Variants in PLXDC2 observed in about 807,000 individuals in gnomAD.
The protein encoded by PLXDC2 is plexin domain-containing protein 2.
In PLXDC2, 40 loss-of-function variants were observed where a neutral mutation model predicts 68.9. The observed-to-expected ratio is 0.58, with a 90% confidence interval of 0.45 to 0.76. PLXDC2 has a LOEUF of 0.76. Ranked by LOEUF, PLXDC2 falls within the 30% of genes least tolerant of loss-of-function variation. The probability of loss-of-function intolerance (pLI) is 0.00; values close to 1 mark genes in which losing one functional copy is unlikely to be tolerated. For synonymous variants in PLXDC2, 243 were observed against 234.2 expected (o/e 1.04, Z -0.34); for missense variants, 644 against 661.9 (o/e 0.97, Z 0.30).
intron 12 of PLXDC2, among the ~76,000 whole-genome samples, chr10:20,220,897 T>C (rs889801178): frequency 3.4e-5 from 5 of 148,666 alleles, no homozygotes; most frequent in Non-Finnish European, 5.9e-5. Context: ...GGCTGGAGTG[T>C]AGTGGCACAA....
At chr10:19,880,136 T>C (rs533716728) in intron 1 of PLXDC2, among the ~76,000 whole-genome samples, 1 of 152,320 alleles carries the variant, frequency 6.6e-6, no homozygotes, top group South Asian at 2.1e-4. Context: ...TTACTAATAA[T>C]TTTTTTGGTA....
At chr10:19,924,328 A>G (rs1833505802) in intron 1 of PLXDC2, among the ~76,000 whole-genome samples, 1 of 152,096 alleles carries the variant, frequency 6.6e-6, no homozygotes, top group Admixed American at 6.6e-5. Context: ...TGTCTCTCGC[A>G]GCCTCCCATT....
intron 4 of PLXDC2, among the ~76,000 whole-genome samples, chr10:20,125,331 C>G (rs147262489): frequency 3.3e-5 from 5 of 152,246 alleles, no homozygotes; most frequent in African/African-American, 9.6e-5. Context: ...GAAATGAATC[C>G]TATGAGCCTG....
chr10:19,924,945 A>G (rs935870390), intron 1 of PLXDC2, among the ~76,000 whole-genome samples: 1 of 152,192 alleles, frequency 6.6e-6, no homozygotes, highest in African/African-American at 2.4e-5. Flanking sequence ...CCTGTCCCAC[A>G]TCTCAATGAA....
chr10:20,054,317 T>C (rs1175165135), intron 3 of PLXDC2, among the ~76,000 whole-genome samples: 6 of 152,064 alleles, frequency 3.9e-5, no homozygotes, highest in East Asian at 1.9e-4. Flanking sequence ...TGACTTAGCA[T>C]CTTGTCATTC....
chr10:20,197,756 T>A (rs1164626318), intron 9 of PLXDC2, among the ~76,000 whole-genome samples: 1 of 152,076 alleles, frequency 6.6e-6, no homozygotes, highest in Non-Finnish European at 1.5e-5. Context: ...CCTCCTGGGT[T>A]CCAGCAACTC....
At chr10:19,889,056 G>A (rs1837900566) in intron 1 of PLXDC2, among the ~76,000 whole-genome samples, 1 of 151,736 alleles carries the variant, frequency 6.6e-6, no homozygotes, top group Non-Finnish European at 1.5e-5. Context: ...ATTATCTCTG[G>A]GAAACATTTT....
At chr10:20,270,023 A>G (rs1437703166) in intron 13 of PLXDC2, among the ~76,000 whole-genome samples, 1 of 11,216 alleles carries the variant, frequency 8.9e-5, no homozygotes, top group Non-Finnish European at 4.1e-4. Flanking sequence ...ATCAAAAAAT[A>G]AAATAAAATA....
chr10:20,058,690 G>A (rs75972160), intron 3 of PLXDC2, among the ~76,000 whole-genome samples: 5,698 of 152,224 alleles, frequency 0.037, 145 homozygotes, highest in South Asian at 0.067. Flanking sequence ...TTATCTGAAC[G>A]ATAAACACAA....
intron 1 of PLXDC2, among the ~76,000 whole-genome samples, chr10:19,950,817 A>G (rs1024161166): frequency 6.6e-6 from 1 of 152,186 alleles, no homozygotes; most frequent in African/African-American, 2.4e-5. Context: ...AGACCTATAC[A>G]ACAGACTAGA....
At chr10:20,114,672 A>G (rs573342257) in intron 4 of PLXDC2, among the ~76,000 whole-genome samples, 10 of 152,244 alleles carry the variant, frequency 6.6e-5, no homozygotes, top group Non-Finnish European at 1.3e-4. Context: ...AAAGATGAAT[A>G]GGATTTTTCA....
chr10:20,137,795 C>G (rs914475104), intron 4 of PLXDC2, among the ~76,000 whole-genome samples: 2 of 152,208 alleles, frequency 1.3e-5, no homozygotes, highest in Non-Finnish European at 2.9e-5. Context: ...CGCACGTTCT[C>G]CCCATGTCTG....
At chr10:20,143,209 T>C (rs1292432513) in intron 4 of PLXDC2, 86 bp from the exon 5 acceptor site, 28 of 1,349,590 alleles carry the variant, frequency 2.1e-5, no homozygotes, top group South Asian at 1.5e-4. Flanking sequence ...TTTCATAATA[T>C]GACTGTAATT....
chr10:20,241,399 A>C (rs1222821123), intron 12 of PLXDC2, among the ~76,000 whole-genome samples: 1 of 152,190 alleles, frequency 6.6e-6, no homozygotes, highest in African/African-American at 2.4e-5. Flanking sequence ...CCTCCTTAGC[A>C]AGTTCTGGTC....
At chr10:20,102,701 T>A (rs7919259) in intron 4 of PLXDC2, among the ~76,000 whole-genome samples, 5,093 of 152,292 alleles carry the variant, frequency 0.033, 295 homozygotes, top group African/African-American at 0.12. Flanking sequence ...GATGGGGGAA[T>A]CCTGTTTCAG....
chr10:20,197,496 T>C (rs1834855726), intron 9 of PLXDC2, among the ~76,000 whole-genome samples: 1 of 152,076 alleles, frequency 6.6e-6, no homozygotes, highest in Non-Finnish European at 1.5e-5. Context: ...TAGCTGGGAC[T>C]ACAGGCATGT....
chr10:19,909,698 C>G (rs1833230339), intron 1 of PLXDC2, among the ~76,000 whole-genome samples: 1 of 152,136 alleles, frequency 6.6e-6, no homozygotes, highest in African/African-American at 2.4e-5. Flanking sequence ...AACATGATCC[C>G]TACTTTGGAG....
intron 9 of PLXDC2, among the ~76,000 whole-genome samples, chr10:20,181,500 C>A (rs1385066663): frequency 6.6e-6 from 1 of 151,956 alleles, no homozygotes. Flanking sequence ...GTTCTTGACT[C>A]GGCGGCCAGG....
At chr10:20,108,193 G>A (rs1833515911) in intron 4 of PLXDC2, among the ~76,000 whole-genome samples, 1 of 152,056 alleles carries the variant, frequency 6.6e-6, no homozygotes, top group Non-Finnish European at 1.5e-5. Flanking sequence ...TGATCCTTTG[G>A]CTCAACTCCT....
Sources: allele counts gnomAD v4.1 joint callset (sites outside exome capture counted in the v4.1 genomes callset), GRCh38; gene constraint gnomAD v4.1.1; transcripts MANE v1.5; gene names NCBI Gene and HGNC (gene_info 2026-07-23, HGNC 2026-07-21).